Variants in SFSWAP observed in about 807,000 individuals in gnomAD.
The protein encoded by SFSWAP is splicing factor SWAP.
SFSWAP carries 17 observed loss-of-function variants against 100.7 expected under a neutral mutation model. The ratio of observed to expected loss-of-function variants is 0.17; its 90% CI spans 0.12 to 0.25. SFSWAP has a LOEUF of 0.25. SFSWAP is among the 10% of genes least tolerant of loss of function. The pLI, the probability that SFSWAP is intolerant of heterozygous loss-of-function variation, is 1.00. For synonymous variants in SFSWAP, 504 were observed against 510.1 expected (o/e 0.99, Z 0.16); for missense variants, 1,005 against 1,262.6 (o/e 0.80, Z 3.09).
intron 11 of SFSWAP, chr12:131,757,461 C>G (rs1882280539): frequency 6.6e-6 from 1 of 152,248 alleles, no homozygotes; most frequent in African/African-American, 2.4e-5. Flanking sequence ...ATAACTTTAT[C>G]CAGTCTGGTG....
chr12:131,795,916 G>A (rs971858967), intron 15 of SFSWAP, among the ~76,000 whole-genome samples: 12 of 147,544 alleles, frequency 8.1e-5, no homozygotes, highest in African/African-American at 2.7e-4. Context: ...AGAGGGCCCC[G>A]CAGCCCTACT....
In SFSWAP at chr12:131,753,035, C is replaced by T. The variant is rs375505444; in HGVS notation, c.1082-88C>T. 2.8e-5 allele frequency: 44 copies of T among 1,560,526 alleles called. No homozygotes were observed. In the East Asian group the frequency reaches 3.2e-4, roughly 11 times the overall value. ...GAGCAGAGGCAAGGCTGCATCTTGCCGGGGGAAGGGCTCTTGTGGCTGCAT... is the reference window on the plus strand; with the variant it reads ...GAGCAGAGGCAAGGCTGCATCTTGCTGGGGGAAGGGCTCTTGTGGCTGCAT... On this transcript the variant is annotated intron_variant, in intron 7 of 17. Coordinates refer to ENST00000261674, the MANE Select transcript of SFSWAP (RefSeq NM_004592.4).
Position 131,799,581 on chromosome 12 carries a change from A to G in SFSWAP, c.*93A>G, listed in dbSNP as rs1330738851. The G allele has an allele frequency of 1.6e-5, 16 of 993,808 alleles. No homozygotes were observed. The highest frequency in any genetic ancestry group is 2.4e-4 in the Middle Eastern group (1 of 4,230). The allele number at this position is 993,808 out of a possible 1,614,324, so 61.6% of individuals were successfully genotyped here. A position where few individuals can be genotyped will look rare whatever the true frequency, so the allele number is the denominator to read the frequency against. On this transcript the variant is annotated 3_prime_UTR_variant, in exon 18 of 18. Coordinates refer to ENST00000261674, the MANE Select transcript of SFSWAP (RefSeq NM_004592.4). ...CCACACCATCCACCTGGCCGCCTCC[A>G]TGGACCCTTGGTGGCTTTTGTAAAT...
In SFSWAP at chr12:131,799,383, A is replaced by G. The variant is rs376744417; in HGVS notation, c.2791-40A>G. 2.5e-6 allele frequency: 4 copies of G among 1,599,354 alleles called. No homozygotes were observed. The African/African-American group carries it at 4.0e-5, about 16-fold the overall frequency. The stretch of plus-strand genomic sequence containing the variant: ...TCTTCACCACGTGGGTTGTCTGGCC[A>G]GGTCTTCACAGGTTCTCCTCTGTGT... On this transcript the variant is annotated intron_variant, in intron 17 of 17. Transcript: ENST00000261674.
Position 131,799,553 on chromosome 12 carries a change from C to A in SFSWAP, c.*65C>A. On this transcript the variant is annotated 3_prime_UTR_variant, in exon 18 of 18. Coordinates refer to ENST00000261674, the MANE Select transcript of SFSWAP (RefSeq NM_004592.4). ...CTTCTGGGCAGGCTCACGCAGACGCCGGCCACACCATCCACCTGGCCGCCT... is the reference window on the plus strand; with the variant it reads ...CTTCTGGGCAGGCTCACGCAGACGCAGGCCACACCATCCACCTGGCCGCCT... 7.2e-7 allele frequency: 1 copy of A among 1,396,154 alleles called. No homozygotes were observed. 86.5% of individuals were successfully genotyped at this position (1,396,154 alleles called of 1,614,324 possible). A position where few individuals can be genotyped will look rare whatever the true frequency, so the allele number is the denominator to read the frequency against.
intron 9 of SFSWAP, among the ~76,000 whole-genome samples, chr12:131,755,112 A>G (rs761747096): frequency 2.6e-5 from 4 of 152,156 alleles, no homozygotes; most frequent in Non-Finnish European, 5.9e-5. Context: ...TCTAGACACA[A>G]ACCCTTCTTT....
intron 12 of SFSWAP, 61 bp from the exon 13 acceptor site, chr12:131,766,057 T>G: frequency 6.6e-7 from 1 of 1,511,398 alleles, no homozygotes; most frequent in African/African-American, 1.4e-5. Flanking sequence ...CTGTGAAAAT[T>G]AAGATCAGAT....
At chr12:131,739,397 G>T (rs1297525574) in intron 7 of SFSWAP, among the ~76,000 whole-genome samples, 2 of 151,942 alleles carry the variant, frequency 1.3e-5, no homozygotes, top group African/African-American at 4.8e-5. Flanking sequence ...TGAATATGCT[G>T]ATATAGAAAT....
At position 131,711,493 on chromosome 12, in the gene SFSWAP, C is replaced by G. The variant is rs751086984; in HGVS notation, c.218+46C>G. 3 of 1,489,044 alleles carry G rather than the reference C, an allele frequency of 2.0e-6. No homozygotes were observed. The highest frequency in any genetic ancestry group is 2.3e-5 in the East Asian group (1 of 44,148). 92.2% of individuals were successfully genotyped at this position (1,489,044 alleles called of 1,614,324 possible). ...GTCGATCCTTCCCTTCCCTCACCCG[C>G]TTGATCTCGTCTGATGTTGACTTGA... On this transcript the variant is annotated intron_variant, in intron 1 of 17. Transcript: ENST00000261674. The surrounding 1 kb of genome is among the most constrained non-coding windows in gnomAD (Gnocchi z 4.9).
intron 16 of SFSWAP, among the ~76,000 whole-genome samples, chr12:131,798,227 C>T (rs1266523260): frequency 1.3e-5 from 2 of 152,042 alleles, no homozygotes; most frequent in East Asian, 1.9e-4. Context: ...TTGCTTGAGC[C>T]CAGGAGGTGG....
chr12:131,753,023 G>C (rs1261428644), intron 7 of SFSWAP, 100 bp from the exon 8 acceptor site: 3 of 1,508,814 alleles, frequency 2.0e-6, no homozygotes, highest in African/African-American at 2.7e-5. Flanking sequence ...CAGAGGCAAG[G>C]CTGCATCTTG....
chr12:131,739,606 C>T (rs900856743), intron 7 of SFSWAP, among the ~76,000 whole-genome samples: 3 of 121,162 alleles, frequency 2.5e-5, no homozygotes, highest in Admixed American at 2.3e-4. Flanking sequence ...AGTGCAGTGG[C>T]GCAATCTCGG....
chr12:131,755,627 T>C (rs1250535307), intron 10 of SFSWAP, 148 bp downstream of exon 10: 2 of 618,834 alleles, frequency 3.2e-6, no homozygotes, highest in Non-Finnish European at 2.9e-6. Flanking sequence ...ATACTCCATC[T>C]TTCACGTCCC....
At chr12:131,773,034 C>G (rs1478729134) in intron 13 of SFSWAP, among the ~76,000 whole-genome samples, 1 of 152,128 alleles carries the variant, frequency 6.6e-6, no homozygotes, top group Non-Finnish European at 1.5e-5. Context: ...CTGTGTGTGT[C>G]CCCTTTGTCT....
chr12:131,722,711 G>A (rs528529614), intron 4 of SFSWAP, among the ~76,000 whole-genome samples: 6 of 151,360 alleles, frequency 4.0e-5, no homozygotes, highest in South Asian at 2.1e-4. Flanking sequence ...ACTTTGGGAG[G>A]CCGAGGTGGG....
chr12:131,751,030 A>C (rs1269898144), intron 7 of SFSWAP, among the ~76,000 whole-genome samples: 1 of 152,170 alleles, frequency 6.6e-6, no homozygotes, highest in Non-Finnish European at 1.5e-5. Context: ...GTCTCTGAGC[A>C]GTCTGCCATT....
chr12:131,718,348 TAAG>T (rs895490906), intron 3 of SFSWAP, among the ~76,000 whole-genome samples: 4 of 152,196 alleles, frequency 2.6e-5, no homozygotes, highest in Non-Finnish European at 5.9e-5. Flanking sequence ...TGTTTGGAAA[TAAG>T]AACCTCAATA....
At position 131,799,025 on chromosome 12, in the gene SFSWAP, T is replaced by C. The variant is rs370976358; in HGVS notation, c.2718-12T>C. On this transcript the variant is annotated splice_polypyrimidine_tract_variant and intron_variant, in intron 16 of 17. Transcript: ENST00000261674. ...ACGGTTGTAAGCTCTGCTCTCTCTC[T>C]CTCTGCATTAGGGGAGTCTCTCAGG... The C allele has an allele frequency of 3.7e-6, 6 of 1,606,486 alleles. No individual in the cohort carries two copies. In the African/African-American group the frequency reaches 6.7e-5, roughly 18 times the overall value.
At chr12:131,765,928 G>A (rs1221204192) in intron 12 of SFSWAP, among the ~76,000 whole-genome samples, 190 bp from the exon 13 acceptor site, 1 of 152,004 alleles carries the variant, frequency 6.6e-6, no homozygotes, top group East Asian at 1.9e-4. Flanking sequence ...TTCTAACTCT[G>A]AAAGTAAAAT....
Sources: gnomAD v4.1 joint callset for allele counts (sites outside exome capture counted in the v4.1 genomes callset) on GRCh38, gnomAD v4.1.1 for gene constraint, Gnocchi (gnomAD v3.1) non-coding constraint, MANE v1.5 for transcripts, NCBI Gene and HGNC (gene_info 2026-07-23, HGNC 2026-07-21) for gene names.